The following HMBOX1 variants were observed in gnomAD, a reference collection of about 807,000 sequenced individuals.
HMBOX1 encodes the protein homeobox-containing protein 1.
HMBOX1 carries 14 observed loss-of-function variants against 54.5 expected under a neutral mutation model. That is an observed-to-expected ratio of 0.26 (90% CI 0.17 to 0.40). The LOEUF is 0.40. Ranked by LOEUF, HMBOX1 falls within the 10% of genes least tolerant of loss-of-function variation. The probability of loss-of-function intolerance (pLI) is 1.00; values close to 1 mark genes in which losing one functional copy is unlikely to be tolerated. For missense variants in HMBOX1, 332 were observed against 514.4 expected (o/e 0.65, Z 3.43); for synonymous variants, 160 against 181.0 (o/e 0.88, Z 0.93).
At chr8:28,990,164 T>G (rs867495710) in intron 4 of HMBOX1, among the ~76,000 whole-genome samples, 7 of 152,314 alleles carry the variant, frequency 4.6e-5, no homozygotes, top group Admixed American at 6.5e-5. Context: ...TTTCAATGTG[T>G]CTTCTTTCTT....
At chr8:28,929,951 C>T (rs990263130) in intron 1 of HMBOX1, among the ~76,000 whole-genome samples, 1 of 138,510 alleles carries the variant, frequency 7.2e-6, no homozygotes, top group Non-Finnish European at 1.6e-5. Flanking sequence ...CCCGCCCCGC[C>T]AATGGAGACT....
intron 4 of HMBOX1, among the ~76,000 whole-genome samples, chr8:29,002,648 C>T (rs1439342926): frequency 2.0e-5 from 3 of 152,028 alleles, no homozygotes; most frequent in Non-Finnish European, 4.4e-5. Context: ...TGGACTCTTT[C>T]GAGAACCTCA....
intron 3 of HMBOX1, among the ~76,000 whole-genome samples, chr8:28,976,198 G>A (rs973347195): frequency 1.3e-5 from 2 of 152,014 alleles, no homozygotes; most frequent in Non-Finnish European, 2.9e-5. Flanking sequence ...ACAGCAGATC[G>A]TTTGTTTCTT....
At chr8:28,979,883 G>A (rs1311599152) in intron 3 of HMBOX1, among the ~76,000 whole-genome samples, 188 bp from the exon 4 acceptor site, 1 of 152,122 alleles carries the variant, frequency 6.6e-6, no homozygotes, top group Non-Finnish European at 1.5e-5. Flanking sequence ...TGATGTTTTA[G>A]GACTTGAATA....
Position 28,959,137 on chromosome 8 carries a change from A to AT in HMBOX1, c.-57-4662dup, listed in dbSNP as rs879600164. On this transcript the variant is annotated intron_variant, in intron 1 of 9. Coordinates refer to ENST00000287701, the MANE Select transcript of HMBOX1 (RefSeq NM_001135726.3). ...TAGATCTTAGTAATCTCAGCATATG[A>AT]TTTTTTTTTTTTAACTTAAGTTGAG... Among the ~76,000 whole-genome samples, 704 of 147,472 alleles carry AT rather than the reference A, an allele frequency of 4.8e-3. 8 individuals are homozygous for AT. The highest frequency in any genetic ancestry group is 0.012 in the African/African-American group (472 of 40,414).
At chr8:28,961,163 C>T (rs1266239274) in intron 1 of HMBOX1, among the ~76,000 whole-genome samples, 2 of 152,118 alleles carry the variant, frequency 1.3e-5, no homozygotes, top group African/African-American at 2.4e-5. Flanking sequence ...ATTTATATCC[C>T]TAATGCCTTT....
At chr8:29,046,081 C>G (rs1315376251) in intron 7 of HMBOX1, among the ~76,000 whole-genome samples, 1 of 152,216 alleles carries the variant, frequency 6.6e-6, no homozygotes, top group Non-Finnish European at 1.5e-5. Context: ...TTTCAGTTAA[C>G]AGATCCAGTT....
At position 29,018,742 on chromosome 8, in the gene HMBOX1, G is replaced by A. The variant is rs778133569; in HGVS notation, c.698-18G>A. On this transcript the variant is annotated intron_variant, in intron 5 of 9. Coordinates refer to ENST00000287701, the MANE Select transcript of HMBOX1 (RefSeq NM_001135726.3). ...ATAAACTGCAAGATATTTGCTAAAAGTGTCTTGTTTATTTCAGGCGCTACA... is the reference window on the plus strand; with the variant it reads ...ATAAACTGCAAGATATTTGCTAAAAATGTCTTGTTTATTTCAGGCGCTACA... The A allele has an allele frequency of 1.2e-6, 2 of 1,605,624 alleles. No individual in the cohort carries two copies. Among genetic ancestry groups the A allele is most frequent in the South Asian group, 1.1e-5 (1 of 90,420 alleles).
At chr8:28,954,177 A>G (rs1223596753) in intron 1 of HMBOX1, among the ~76,000 whole-genome samples, 1 of 152,106 alleles carries the variant, frequency 6.6e-6, no homozygotes, top group Non-Finnish European at 1.5e-5. Flanking sequence ...TGTCTAATTT[A>G]TGGGATTCTG....
chr8:28,973,321 G>A (rs934711327), intron 3 of HMBOX1, among the ~76,000 whole-genome samples: 1 of 152,130 alleles, frequency 6.6e-6, no homozygotes, highest in South Asian at 2.1e-4. Context: ...TTATCAATAT[G>A]TCACTGGTGT....
rs1806453395 is a variant in HMBOX1, at chr8:29,051,789, C to A, written c.*634C>A. On this transcript the variant is annotated 3_prime_UTR_variant, in exon 10 of 10. Coordinates refer to ENST00000287701, the MANE Select transcript of HMBOX1 (RefSeq NM_001135726.3). ...TCAGATTTTGTTTGAAGTTAACATG[C>A]CTGACACAGACATCCTTTCCTCTCA... The A allele has an allele frequency of 1.1e-5, 6 of 548,400 alleles. No individual in the cohort carries two copies. The highest frequency in any genetic ancestry group is 2.0e-5 in the Non-Finnish European group (6 of 298,522). The allele number at this position is 548,400 out of a possible 1,614,324, so 34.0% of individuals were successfully genotyped here.
chr8:28,975,721 T>C (rs1828249088), intron 3 of HMBOX1, among the ~76,000 whole-genome samples: 1 of 152,086 alleles, frequency 6.6e-6, no homozygotes, highest in African/African-American at 2.4e-5. Flanking sequence ...CCCTAAGATT[T>C]GAGGCATAGA....
At chr8:29,045,811 G>T (rs1424680218) in intron 7 of HMBOX1, among the ~76,000 whole-genome samples, 1 of 152,132 alleles carries the variant, frequency 6.6e-6, no homozygotes, top group Admixed American at 6.6e-5. Context: ...ATAAGATTAA[G>T]ATAGAATTTT....
chr8:28,908,146 C>T (rs1215101355), intron 1 of HMBOX1, among the ~76,000 whole-genome samples: 2 of 152,082 alleles, frequency 1.3e-5, no homozygotes, highest in Non-Finnish European at 2.9e-5. Flanking sequence ...AGCCACTGTG[C>T]CCAGCCTAAA....
chr8:29,027,905 G>A (rs747331511), intron 6 of HMBOX1, among the ~76,000 whole-genome samples: 4 of 152,058 alleles, frequency 2.6e-5, no homozygotes, highest in Non-Finnish European at 5.9e-5. Context: ...AAACTATTGC[G>A]TGTTTTATTT....
At chr8:29,011,655 G>C (rs1481152898) in intron 5 of HMBOX1, among the ~76,000 whole-genome samples, 1 of 152,188 alleles carries the variant, frequency 6.6e-6, no homozygotes, top group Non-Finnish European at 1.5e-5. Flanking sequence ...GCCAGTTGTG[G>C]AATACTAACT....
At chr8:28,916,538 T>G (rs1816584015) in intron 1 of HMBOX1, among the ~76,000 whole-genome samples, 1 of 152,228 alleles carries the variant, frequency 6.6e-6, no homozygotes, top group South Asian at 2.1e-4. Flanking sequence ...GATTTCCACG[T>G]GTTCTAGCTC....
intron 4 of HMBOX1, among the ~76,000 whole-genome samples, chr8:28,985,830 G>C (rs1830072059): frequency 6.6e-6 from 1 of 152,066 alleles, no homozygotes; most frequent in Non-Finnish European, 1.5e-5. Flanking sequence ...TCATTTTCTA[G>C]AGTCGTTTTA....
At position 28,940,402 on chromosome 8, in the gene HMBOX1, C is replaced by T. The variant is rs185003210; in HGVS notation, c.-57-23409C>T. ...AACCTCTCTGACAAAGTCAACTCTC[C>T]CACATTATATGCTCTCATAGCACTC... On this transcript the variant is annotated intron_variant, in intron 1 of 9. Coordinates refer to ENST00000287701, the MANE Select transcript of HMBOX1 (RefSeq NM_001135726.3). Among the ~76,000 whole-genome samples, 330 of 152,286 alleles carry T rather than the reference C, an allele frequency of 2.2e-3. 1 individual carries two copies. The highest frequency in any genetic ancestry group is 7.7e-3 in the African/African-American group (318 of 41,562).
Sources: gnomAD v4.1 joint callset for allele counts (sites outside exome capture counted in the v4.1 genomes callset) on GRCh38, gnomAD v4.1.1 for gene constraint, MANE v1.5 for transcripts, NCBI Gene and HGNC (gene_info 2026-07-23, HGNC 2026-07-21) for gene names.